AGBL4: variants seen among roughly 807,000 people sequenced by gnomAD.
AGBL4 encodes AGBL carboxypeptidase 4, also known as cytosolic carboxypeptidase 6.
A neutral mutation model predicts 66.4 loss-of-function variants in AGBL4; 58 were observed. That is an observed-to-expected ratio of 0.87 (90% CI 0.71 to 1.09). AGBL4 has a LOEUF of 1.09. Ranked by LOEUF, AGBL4 falls within the 50% of genes least tolerant of loss-of-function variation. The pLI, the probability that AGBL4 is intolerant of heterozygous loss-of-function variation, is 0.00. For synonymous variants in AGBL4, 234 were observed against 222.9 expected (o/e 1.05, Z -0.44); for missense variants, 579 against 631.0 (o/e 0.92, Z 0.88).
Position 50,001,507 on chromosome 1 carries a change from G to A in AGBL4, c.34+22256C>T, listed in dbSNP as rs201043345. ...TATACATATATATGTATGTGTGTGT[G>A]TATATATATATATATATGAATGTAT... On this transcript the variant is annotated intron_variant, in intron 1 of 13. Coordinates refer to ENST00000371839, the MANE Select transcript of AGBL4 (RefSeq NM_032785.4). Among the ~76,000 whole-genome samples, 8 of 147,696 alleles carry A rather than the reference G, an allele frequency of 5.4e-5. No homozygotes were observed. The South Asian group carries it at 6.4e-4, about 12-fold the overall frequency.
At chr1:49,859,956 A>G (rs1160743920) in intron 1 of AGBL4, among the ~76,000 whole-genome samples, 2 of 152,344 alleles carry the variant, frequency 1.3e-5, no homozygotes, top group Admixed American at 6.5e-5. Context: ...AAGCAATTGT[A>G]AATTAAAAAT....
intron 11 of AGBL4, among the ~76,000 whole-genome samples, chr1:48,547,004 G>C (rs2148275484): frequency 6.6e-6 from 1 of 152,196 alleles, no homozygotes; most frequent in Middle Eastern, 3.4e-3. Flanking sequence ...TATGAACTGA[G>C]AGTGAGCAGT....
At chr1:49,096,078 A>T in intron 4 of AGBL4, among the ~76,000 whole-genome samples, 1 of 152,276 alleles carries the variant, frequency 6.6e-6, no homozygotes, top group East Asian at 1.9e-4. Flanking sequence ...GCCAACAGAC[A>T]CATGAAAAAA....
intron 2 of AGBL4, among the ~76,000 whole-genome samples, chr1:49,724,720 T>G (rs1648880566): frequency 6.6e-6 from 1 of 152,102 alleles, no homozygotes; most frequent in African/African-American, 2.4e-5. Context: ...AGGGTGGGGC[T>G]CTGATCCAAC....
intron 3 of AGBL4, among the ~76,000 whole-genome samples, chr1:49,302,313 C>T (rs575870009): frequency 5.7e-4 from 87 of 151,538 alleles, no homozygotes; most frequent in Non-Finnish European, 8.7e-4. Context: ...AGTGCAATGG[C>T]GCAATCTTGG....
At chr1:48,870,655 CCTT>C (rs1285709600) in intron 5 of AGBL4, among the ~76,000 whole-genome samples, 2 of 152,156 alleles carry the variant, frequency 1.3e-5, no homozygotes, top group Admixed American at 1.3e-4. Flanking sequence ...GGAGGGTTTC[CCTT>C]CTTTACTGTT....
In AGBL4 at chr1:49,429,755, C is replaced by T. The variant is rs1645743339; in HGVS notation, c.283-183891G>A. Among the ~76,000 whole-genome samples, 4 of 152,188 alleles carry T rather than the reference C, an allele frequency of 2.6e-5. No individual in the cohort carries two copies. The South Asian group carries it at 8.3e-4, about 32-fold the overall frequency. ...ACTCTTCAGTATGATATTTAAAATC[C>T]CTTATTAACTCTACAGCCTTATGCT... On this transcript the variant is annotated intron_variant, in intron 3 of 13. Coordinates refer to ENST00000371839, the MANE Select transcript of AGBL4 (RefSeq NM_032785.4).
chr1:48,829,353 T>C (rs1646499148), intron 6 of AGBL4, among the ~76,000 whole-genome samples: 1 of 152,236 alleles, frequency 6.6e-6, no homozygotes. Context: ...CACAATGCTT[T>C]AATGCCTCTC....
In AGBL4 at chr1:49,409,149, G is replaced by GCTCTCTCT. The variant is rs373757168; in HGVS notation, c.283-163293_283-163286dup. Among the ~76,000 whole-genome samples, 333 of 145,800 alleles carry GCTCTCTCT rather than the reference G, an allele frequency of 2.3e-3. 2 individuals carry two copies. Among genetic ancestry groups the GCTCTCTCT allele is most frequent in the Admixed American group, 3.6e-3 (52 of 14,622 alleles). ...TCTCCATCAAACCCCACTCTCTCTG[G>GCTCTCTCT]CTCTCTCTCTCTCTCTCTCTCTCAT... On this transcript the variant is annotated intron_variant, in intron 3 of 13. Coordinates refer to ENST00000371839, the MANE Select transcript of AGBL4 (RefSeq NM_032785.4).
Position 48,634,498 on chromosome 1 carries a change from C to G in AGBL4, c.946G>C (p.Asp316His). Reference sequence around the variant, plus strand: ...GAGGGCATTCAGTTACTTACTGGGTCGTTGTACATCTGGACGATGAGTTGT... The same window carrying G: ...GAGGGCATTCAGTTACTTACTGGGTGGTTGTACATCTGGACGATGAGTTGT... ...VKQLIVQMYN[D>H]PKTSLEFYID... Residue 316 changes from aspartate to histidine, a missense_variant, in exon 9 of 14, where the codon GAC becomes CAC. By Grantham distance (81) the Asp-to-His change is moderately conservative. Transcript: ENST00000371839. The G allele has an allele frequency of 6.3e-7, 1 of 1,595,092 alleles. No homozygotes were observed. The highest frequency in any genetic ancestry group is 1.1e-5 in the South Asian group (1 of 87,408).
At chr1:49,937,478 C>T (rs1036840183) in intron 1 of AGBL4, among the ~76,000 whole-genome samples, 6 of 152,070 alleles carry the variant, frequency 3.9e-5, no homozygotes, top group Admixed American at 3.9e-4. Flanking sequence ...CTCAGCTCTG[C>T]ACCAAGCAGA....
chr1:48,731,975 T>C (rs893532213), intron 6 of AGBL4, among the ~76,000 whole-genome samples: 3 of 151,990 alleles, frequency 2.0e-5, no homozygotes, highest in Admixed American at 2.0e-4. Context: ...GAAATGAGTG[T>C]GGGCTATGAG....
At chr1:49,497,020 A>G (rs1450591199) in intron 3 of AGBL4, among the ~76,000 whole-genome samples, 1 of 151,810 alleles carries the variant, frequency 6.6e-6, no homozygotes, top group East Asian at 1.9e-4. Context: ...TCTCCATATC[A>G]TGGTTGCCAC....
intron 6 of AGBL4, among the ~76,000 whole-genome samples, chr1:48,866,927 A>G (rs12744806): frequency 6.6e-6 from 1 of 152,298 alleles, no homozygotes; most frequent in East Asian, 1.9e-4. Context: ...TTTGGAGAGA[A>G]CTTGACCCTA....
chr1:49,417,713 A>T (rs968954965), intron 3 of AGBL4, among the ~76,000 whole-genome samples: 3 of 152,112 alleles, frequency 2.0e-5, no homozygotes, highest in African/African-American at 7.2e-5. Context: ...AATTCATTGG[A>T]ATGATGTCTT....
intron 3 of AGBL4, among the ~76,000 whole-genome samples, chr1:49,351,571 G>C (rs1310247670): frequency 6.6e-6 from 1 of 152,104 alleles, no homozygotes; most frequent in Non-Finnish European, 1.5e-5. Context: ...AGGTGGGAAT[G>C]AGATGAGATT....
At chr1:49,568,893 A>G (rs1184117553) in intron 3 of AGBL4, among the ~76,000 whole-genome samples, 1 of 152,126 alleles carries the variant, frequency 6.6e-6, no homozygotes, top group Non-Finnish European at 1.5e-5. Flanking sequence ...TGACACAAAC[A>G]AGAAAATTTA....
intron 5 of AGBL4, among the ~76,000 whole-genome samples, chr1:48,928,795 T>C (rs547532226): frequency 3.3e-5 from 5 of 152,226 alleles, no homozygotes; most frequent in Non-Finnish European, 7.3e-5. Context: ...CTTCCTCAAA[T>C]GATGGCTGTG....
chr1:49,271,553 C>T (rs1024780201), intron 3 of AGBL4, among the ~76,000 whole-genome samples: 1 of 147,110 alleles, frequency 6.8e-6, no homozygotes, highest in East Asian at 2.0e-4. Flanking sequence ...CACACACACA[C>T]GTACATATAC....
Sources: allele counts gnomAD v4.1 joint callset (sites outside exome capture counted in the v4.1 genomes callset), GRCh38; gene constraint gnomAD v4.1.1; transcripts MANE v1.5; gene names NCBI Gene and HGNC (gene_info 2026-07-23, HGNC 2026-07-21).